ANK2: variants seen among roughly 807,000 people sequenced by gnomAD.
The protein encoded by ANK2 is ankyrin 2.
A neutral mutation model predicts 360.5 loss-of-function variants in ANK2; 83 were observed. That is an observed-to-expected ratio of 0.23 (90% CI 0.19 to 0.28). The LOEUF is 0.28. Ranked by LOEUF, ANK2 falls within the 10% of genes least tolerant of loss-of-function variation. The pLI is 1.00. For synonymous variants in ANK2, 1,740 were observed against 1,759.5 expected, an observed-to-expected ratio of 0.99 and a Z score of 0.28; for missense variants, 4,201 against 4,795.7, an observed-to-expected ratio of 0.88 and a Z score of 3.66.
chr4:112,934,587 G>A lies in ANK2; in HGVS notation c.21+30073G>A, dbSNP rs549046106. ...CTTTCAGCCCCGCTTCCTCTCCTCA[G>A]TATTTATTGTATTTGTTTCTTCACA... On this transcript the variant is annotated intron_variant, in intron 2 of 30. Transcript: ENST00000503271. 3.3e-5 allele frequency among the ~76,000 whole-genome samples: 5 copies of A among 152,118 alleles called. No homozygotes were observed. The East Asian group carries it at 7.7e-4, about 23-fold the overall frequency.
intron 1 of ANK2, among the ~76,000 whole-genome samples, chr4:112,889,425 G>T (rs2079319561): frequency 6.6e-6 from 1 of 152,018 alleles, no homozygotes; most frequent in East Asian, 1.9e-4. Context: ...TCATCCTTCT[G>T]ACTACAAGCT....
intron 1 of ANK2, among the ~76,000 whole-genome samples, chr4:112,902,541 G>A (rs1003550821): frequency 2.6e-5 from 4 of 152,178 alleles, no homozygotes; most frequent in African/African-American, 9.7e-5. Flanking sequence ...GACACCTGGA[G>A]GCTATGTTCT....
chr4:113,109,699 C>T (rs774829584), intron 1 of ANK2, among the ~76,000 whole-genome samples: 3 of 152,140 alleles, frequency 2.0e-5, no homozygotes, highest in Non-Finnish European at 2.9e-5. Flanking sequence ...TCAGTTTTGC[C>T]TAGCAATTCC....
At chr4:113,227,079 TA>T (rs2099232941) in intron 4 of ANK2, among the ~76,000 whole-genome samples, 1 of 152,216 alleles carries the variant, frequency 6.6e-6, no homozygotes, top group South Asian at 2.1e-4. Context: ...TGCTTTCCTA[TA>T]AAGTTTACAG....
At chr4:113,045,494 C>A (rs2064065393), upstream of ANK2, among the ~76,000 whole-genome samples, 1 of 152,152 alleles carries the variant, frequency 6.6e-6, no homozygotes, top group Non-Finnish European at 1.5e-5. Context: ...GACAAGTCAC[C>A]AAACCCACTT....
At chr4:113,009,819 GT>G (rs1443322100) in intron 2 of ANK2, among the ~76,000 whole-genome samples, 2 of 152,042 alleles carry the variant, frequency 1.3e-5, no homozygotes, top group Admixed American at 6.6e-5. Context: ...TTTTAAAAAT[GT>G]TTTTTCTTTA....
chr4:113,161,886 G>C (rs1250082986), intron 1 of ANK2, among the ~76,000 whole-genome samples: 2 of 152,158 alleles, frequency 1.3e-5, no homozygotes, highest in Non-Finnish European at 2.9e-5. Flanking sequence ...AAATGGGAAG[G>C]AGTGAAGCGA....
intron 26 of ANK2, among the ~76,000 whole-genome samples, chr4:113,320,992 C>G (rs374403824): frequency 5.3e-5 from 8 of 152,156 alleles, no homozygotes; most frequent in African/African-American, 1.9e-4. Context: ...GAAACACACT[C>G]TATGTTGTTA....
Position 113,363,333 on chromosome 4 carries a change from T to C in ANK2, c.10757-5T>C. On this transcript the variant is annotated splice_region_variant and splice_polypyrimidine_tract_variant and intron_variant, in intron 39 of 45. Transcript: ENST00000357077. ...GTGTTTACAAAGTAGTATTTTATCT[T>C]CTAGAATTAGCAAGAGAACTGGATT... 1 of 1,612,738 alleles carries C rather than the reference T, an allele frequency of 6.2e-7. No homozygotes were observed. The highest frequency in any genetic ancestry group is 8.5e-7 in the Non-Finnish European group (1 of 1,179,310).
intron 1 of ANK2, among the ~76,000 whole-genome samples, chr4:113,095,884 T>A (rs2090830329): frequency 6.6e-6 from 1 of 152,178 alleles, no homozygotes; most frequent in African/African-American, 2.4e-5. Context: ...GTGAGCCACT[T>A]CGTTGGCTGC....
the ANK2 span, among the ~76,000 whole-genome samples, chr4:112,727,429 C>A: frequency 2.6e-4 from 39 of 151,562 alleles, no homozygotes; most frequent in East Asian, 7.0e-3. Context: ...AGAAAAAGAA[C>A]AAATTAAGCC....
At chr4:113,001,672 A>C (rs2050732256) in intron 2 of ANK2, among the ~76,000 whole-genome samples, 1 of 152,174 alleles carries the variant, frequency 6.6e-6, no homozygotes, top group Non-Finnish European at 1.5e-5. Flanking sequence ...TTCCACTTAC[A>C]GTTCTGGTCA....
At chr4:113,133,078 T>C (rs1377237440) in intron 1 of ANK2, among the ~76,000 whole-genome samples, 2 of 152,178 alleles carry the variant, frequency 1.3e-5, no homozygotes, top group Non-Finnish European at 2.9e-5. Flanking sequence ...AATGGAGTTA[T>C]ATTTTGAGGG....
intron 38 of ANK2, among the ~76,000 whole-genome samples, chr4:113,360,303 G>A (rs1327621872): frequency 6.6e-6 from 1 of 152,122 alleles, no homozygotes; most frequent in African/African-American, 2.4e-5. Flanking sequence ...AGGTCACCAG[G>A]ACCAAATGTT....
intron 2 of ANK2, among the ~76,000 whole-genome samples, chr4:113,029,344 C>T (rs570769306): frequency 5.6e-4 from 85 of 152,096 alleles, no homozygotes; most frequent in African/African-American, 2.0e-3. Flanking sequence ...AAGCAATTCT[C>T]CTGCCTCAAC....
rs767816261 is a variant in ANK2, at chr4:113,292,534, C to T, written c.2376+20C>T. The T allele has an allele frequency of 1.3e-6, 2 of 1,577,266 alleles. No homozygotes were observed. The highest frequency in any genetic ancestry group is 3.5e-5 in the Admixed American group (2 of 56,688). ...ACTGCGGTAAGGCAGACGCCACTGC[C>T]CCTCACCACGCTTTCTTCTTTTTCC... On this transcript the variant is annotated intron_variant, in intron 21 of 45. Coordinates refer to ENST00000357077, the MANE Select transcript of ANK2 (RefSeq NM_001148.6).
At position 113,354,094 on chromosome 4, in the gene ANK2, A is replaced by C; in HGVS notation, c.5476A>C (p.Lys1826Gln). Residue 1826 changes from lysine to glutamine, a missense_variant, in exon 38 of 46, where the codon AAA becomes CAA. Physicochemically the swap from Lys to Gln is moderately conservative, Grantham distance 53. This residue lies in a region of ANK2 where 2,642 missense variants were observed against 2,714.5 expected (regional missense o/e 0.97). Coordinates refer to ENST00000357077, the MANE Select transcript of ANK2 (RefSeq NM_001148.6). ...ERHAPGSPSPKTERHSTLSSS... is the reference protein window; with the variant it reads ...ERHAPGSPSPQTERHSTLSSS... Reference sequence around the variant, plus strand: ...ACATGCGCCAGGGTCTCCCTCCCCTAAAACAGAAAGACACTCTACTCTTTC... The same window carrying C: ...ACATGCGCCAGGGTCTCCCTCCCCTCAAACAGAAAGACACTCTACTCTTTC... The C allele has an allele frequency of 6.2e-7, 1 of 1,614,084 alleles. No individual in the cohort carries two copies. The highest frequency in any genetic ancestry group is 8.5e-7 in the Non-Finnish European group (1 of 1,179,978).
At chr4:113,327,112 A>G (rs1007996765) in intron 26 of ANK2, among the ~76,000 whole-genome samples, 65 of 152,300 alleles carry the variant, frequency 4.3e-4, no homozygotes, top group African/African-American at 1.5e-3. Flanking sequence ...CCAGGTTTAC[A>G]ATGACACAGA....
chr4:112,786,466 C>T, the ANK2 span, among the ~76,000 whole-genome samples: 2 of 147,438 alleles, frequency 1.4e-5, no homozygotes, highest in Non-Finnish European at 3.0e-5. Flanking sequence ...AGCGTGATCT[C>T]GGCTCACTGC....
Sources: allele counts gnomAD v4.1 joint callset (sites outside exome capture counted in the v4.1 genomes callset), GRCh38; gene constraint gnomAD v4.1.1; regional missense constraint gnomAD v4.1.1; transcripts MANE v1.5; gene names NCBI Gene and HGNC (gene_info 2026-07-23, HGNC 2026-07-21).